The following WDR27 variants were observed in gnomAD, a reference collection of about 807,000 sequenced individuals.
WDR27 encodes WD repeat domain 27, also known as WD repeat-containing protein 27.
In WDR27, 100 loss-of-function variants were observed where a neutral mutation model predicts 114.4. The observed-to-expected ratio is 0.87, with a 90% confidence interval of 0.74 to 1.03. WDR27 has a LOEUF of 1.03. WDR27 is among the 50% of genes least tolerant of loss of function. WDR27 has a pLI of 0.00. For missense variants in WDR27, 1,129 were observed against 1,092.9 expected (o/e 1.03, Z -0.47); for synonymous variants, 449 against 423.1 (o/e 1.06, Z -0.75).
intron 25 of WDR27, among the ~76,000 whole-genome samples, chr6:169,538,493 C>T (rs1796452108): frequency 6.6e-6 from 1 of 152,180 alleles, no homozygotes; most frequent in African/African-American, 2.4e-5. Flanking sequence ...TCCCACCTTT[C>T]ACAAGCTAAA....
At chr6:169,483,920 A>G (rs1415961580) in intron 25 of WDR27, among the ~76,000 whole-genome samples, 2 of 152,152 alleles carry the variant, frequency 1.3e-5, no homozygotes, top group African/African-American at 4.8e-5. Context: ...ACTAAAGACA[A>G]AAATGCATGA....
intron 25 of WDR27, among the ~76,000 whole-genome samples, chr6:169,561,134 C>A (rs773236411): frequency 3.3e-5 from 5 of 152,104 alleles, no homozygotes; most frequent in Non-Finnish European, 7.3e-5. Flanking sequence ...GTCCTGGAGG[C>A]TGGAGGTCCA....
intron 25 of WDR27, among the ~76,000 whole-genome samples, chr6:169,538,376 C>T (rs73792925): frequency 0.016 from 2,464 of 152,034 alleles, 63 homozygotes; most frequent in African/African-American, 0.057. Context: ...TCACACTGAG[C>T]GAAAATCAAT....
At chr6:169,698,216 C>T (rs751709103) in intron 1 of WDR27, among the ~76,000 whole-genome samples, 9 of 152,100 alleles carry the variant, frequency 5.9e-5, no homozygotes, top group Non-Finnish European at 1.3e-4. Context: ...TGCCCAACAC[C>T]TCTGTTCCTC....
At chr6:169,588,405 C>A (rs1196965887) in intron 23 of WDR27, among the ~76,000 whole-genome samples, 3 of 152,102 alleles carry the variant, frequency 2.0e-5, no homozygotes, top group Admixed American at 2.0e-4. Context: ...TTTATGCATT[C>A]ATGACATATG....
At chr6:169,538,567 C>T (rs931959552) in intron 25 of WDR27, among the ~76,000 whole-genome samples, 12 of 152,076 alleles carry the variant, frequency 7.9e-5, no homozygotes, top group Non-Finnish European at 1.5e-4. Context: ...TAGTTATTTT[C>T]CTACTCTTCC....
At chr6:169,562,207 C>T (rs972584003) in intron 25 of WDR27, among the ~76,000 whole-genome samples, 1 of 152,154 alleles carries the variant, frequency 6.6e-6, no homozygotes, top group Non-Finnish European at 1.5e-5. Context: ...ACACGTTTCT[C>T]GGGTACTGCG....
chr6:169,673,451 C>T (rs1779285317), intron 2 of WDR27, among the ~76,000 whole-genome samples: 2 of 151,822 alleles, frequency 1.3e-5, no homozygotes, highest in African/African-American at 4.8e-5. Context: ...CAAACACACA[C>T]ACATATACAT....
Position 169,658,291 on chromosome 6 carries a change from T to TA in WDR27, c.1386dup (p.Ser463Ter). ...CTGTACTGACCACGTCGCTGTTCAC[T>TA]AGCAGCCTTGGTACTCTTCTCCTTG... On this transcript the variant is annotated frameshift_variant, in exon 13 of 26. Coordinates refer to ENST00000448612, the MANE Select transcript of WDR27 (RefSeq NM_182552.5). LOFTEE classifies it high-confidence loss of function. 6.2e-7 allele frequency: 1 copy of TA among 1,601,236 alleles called. No homozygotes were observed. Among genetic ancestry groups the TA allele is most frequent in the South Asian group, 1.1e-5 (1 of 87,806 alleles).
intron 13 of WDR27, among the ~76,000 whole-genome samples, chr6:169,652,876 C>A (rs1822979516): frequency 6.6e-6 from 1 of 152,184 alleles, no homozygotes; most frequent in Admixed American, 6.5e-5. Flanking sequence ...ATATGCTAGT[C>A]TGAAACGAGA....
chr6:169,622,741 G>C (rs572635829), intron 21 of WDR27, among the ~76,000 whole-genome samples: 2 of 152,178 alleles, frequency 1.3e-5, no homozygotes, highest in Non-Finnish European at 2.9e-5. Context: ...GTTTCGACAC[G>C]GGAGAAGCGT....
At chr6:169,692,213 G>A (rs1784689086) in intron 1 of WDR27, among the ~76,000 whole-genome samples, 1 of 152,236 alleles carries the variant, frequency 6.6e-6, no homozygotes, top group African/African-American at 2.4e-5. Flanking sequence ...GGCACTCCTA[G>A]TCTCCAGCTC....
intron 22 of WDR27, among the ~76,000 whole-genome samples, chr6:169,605,495 TG>T (rs1287312172): frequency 2.6e-5 from 4 of 151,824 alleles, no homozygotes; most frequent in African/African-American, 9.7e-5. Flanking sequence ...CCTATGCTCA[TG>T]GATCAGAAGA....
At chr6:169,498,252 T>C (rs1790661538) in intron 25 of WDR27, among the ~76,000 whole-genome samples, 1 of 152,086 alleles carries the variant, frequency 6.6e-6, no homozygotes, top group Non-Finnish European at 1.5e-5. Flanking sequence ...AACAGATCTG[T>C]ATTCTATTCT....
downstream of WDR27, among the ~76,000 whole-genome samples, chr6:169,456,304 C>T (rs1229733038): frequency 6.6e-6 from 1 of 152,148 alleles, no homozygotes; most frequent in Non-Finnish European, 1.5e-5. The surrounding 1 kb of genome is among the most constrained non-coding windows in gnomAD (Gnocchi z 4.0). Context: ...GAAGTCAACC[C>T]TGTGACATTT....
intron 25 of WDR27, among the ~76,000 whole-genome samples, chr6:169,570,722 G>A (rs149912265): frequency 0.011 from 1,710 of 152,232 alleles, 30 homozygotes; most frequent in African/African-American, 0.036. Context: ...CCAACTACTC[G>A]GGAGGCTGCG....
the WDR27 span, among the ~76,000 whole-genome samples, chr6:169,435,615 G>A: frequency 6.6e-6 from 1 of 152,234 alleles, no homozygotes; most frequent in South Asian, 2.1e-4. Context: ...AGACTTGCAT[G>A]GGGCCTTTAG....
intron 25 of WDR27, among the ~76,000 whole-genome samples, chr6:169,532,169 A>AT (rs1266597136): frequency 6.6e-6 from 1 of 152,112 alleles, no homozygotes; most frequent in Non-Finnish European, 1.5e-5. Flanking sequence ...ATAACCTTCA[A>AT]TTTTTTAAAT....
rs12111411 is a variant in WDR27 at position 169,626,315 on chromosome 6, G to T, written c.2223+6632C>A. On this transcript the variant is annotated intron_variant, in intron 21 of 25. Transcript: ENST00000448612. ...TGCACACCCACAGAGGGTGACAGAG[G>T]GGGGCTGTGCTGTAGTGAGCAGGGT... 9.2e-4 allele frequency among the ~76,000 whole-genome samples: 140 copies of T among 152,186 alleles called. 1 individual carries two copies. The highest frequency in any genetic ancestry group is 6.8e-3 in the Middle Eastern group (2 of 294).
Sources: allele counts gnomAD v4.1 joint callset (sites outside exome capture counted in the v4.1 genomes callset), GRCh38; gene constraint gnomAD v4.1.1; non-coding constraint Gnocchi (gnomAD v3.1); transcripts MANE v1.5; gene names NCBI Gene and HGNC (gene_info 2026-07-23, HGNC 2026-07-21).